The following NKAIN3 variants were observed in gnomAD, a reference collection of about 807,000 sequenced individuals.
NKAIN3 encodes the protein sodium/potassium-transporting ATPase subunit beta-1-interacting protein 3.
NKAIN3 carries 25 observed loss-of-function variants against 30.2 expected under a neutral mutation model. That is an observed-to-expected ratio of 0.83 (90% CI 0.60 to 1.16). The LOEUF (loss-of-function observed/expected upper bound fraction) is 1.16. NKAIN3 is among the 50% of genes most tolerant of loss of function. The pLI is 0.00. For missense variants in NKAIN3, 225 were observed against 254.1 expected, an observed-to-expected ratio of 0.89 and a Z score of 0.78; for synonymous variants, 91 against 89.6, an observed-to-expected ratio of 1.02 and a Z score of -0.09.
intron 3 of NKAIN3, among the ~76,000 whole-genome samples, chr8:62,638,115 T>C (rs571626058): frequency 4.9e-4 from 75 of 152,284 alleles, no homozygotes; most frequent in African/African-American, 1.7e-3. Context: ...GTTCCTAGTA[T>C]GTTTGACTCC....
At chr8:62,693,763 C>G (rs565590278) in intron 3 of NKAIN3, among the ~76,000 whole-genome samples, 102 of 152,242 alleles carry the variant, frequency 6.7e-4, no homozygotes, top group African/African-American at 2.4e-3. Context: ...TTGGAGCACT[C>G]TAACTAATCT....
chr8:62,681,544 C>T (rs1813644203), intron 3 of NKAIN3, among the ~76,000 whole-genome samples: 1 of 151,952 alleles, frequency 6.6e-6, no homozygotes, highest in Non-Finnish European at 1.5e-5. Context: ...AAAACCAGAC[C>T]GTGTGGCCAT....
chr8:62,925,657 G>A (rs1215535615), intron 5 of NKAIN3, among the ~76,000 whole-genome samples: 2 of 152,116 alleles, frequency 1.3e-5, no homozygotes. Context: ...TGTGACCATT[G>A]CTGAATCACA....
intron 1 of NKAIN3, among the ~76,000 whole-genome samples, chr8:62,449,373 G>T (rs1805575219): frequency 6.6e-6 from 1 of 151,922 alleles, no homozygotes; most frequent in Admixed American, 6.6e-5. Flanking sequence ...ATCTATATTA[G>T]ACTGGAAACA....
At chr8:62,328,750 A>C (rs563395443) in intron 1 of NKAIN3, among the ~76,000 whole-genome samples, 7 of 152,020 alleles carry the variant, frequency 4.6e-5, no homozygotes, top group Non-Finnish European at 8.8e-5. Flanking sequence ...TCATTTCTTT[A>C]TTTAGTAATT....
At chr8:62,494,397 T>C (rs941334191) in intron 1 of NKAIN3, among the ~76,000 whole-genome samples, 1 of 152,186 alleles carries the variant, frequency 6.6e-6, no homozygotes, top group African/African-American at 2.4e-5. Flanking sequence ...GATTATCTTT[T>C]TGATGTGCTG....
At chr8:62,722,384 G>A (rs1331824109) in intron 3 of NKAIN3, among the ~76,000 whole-genome samples, 1 of 152,104 alleles carries the variant, frequency 6.6e-6, no homozygotes, top group African/African-American at 2.4e-5. Context: ...CCATGATGCA[G>A]CCATGAATTT....
chr8:62,906,167 T>A (rs749401802), intron 4 of NKAIN3, among the ~76,000 whole-genome samples: 2 of 152,210 alleles, frequency 1.3e-5, no homozygotes, highest in Non-Finnish European at 2.9e-5. Flanking sequence ...CCCTCTGCAC[T>A]GTGAATAAAA....
intron 1 of NKAIN3, among the ~76,000 whole-genome samples, chr8:62,361,768 T>C (rs893580937): frequency 1.3e-5 from 2 of 152,228 alleles, no homozygotes; most frequent in Non-Finnish European, 2.9e-5. Flanking sequence ...AGTGAAGAGT[T>C]GTGTTTAAAA....
At chr8:62,448,244 AT>A (rs1194338649) in intron 1 of NKAIN3, among the ~76,000 whole-genome samples, 1 of 151,824 alleles carries the variant, frequency 6.6e-6, no homozygotes, top group Admixed American at 6.6e-5. Context: ...AGAGGAACAT[AT>A]CAGAATTCTC....
intron 1 of NKAIN3, among the ~76,000 whole-genome samples, chr8:62,372,052 G>T (rs1458845815): frequency 6.6e-6 from 1 of 151,430 alleles, no homozygotes; most frequent in African/African-American, 2.4e-5. Context: ...TCTTAGTCCT[G>T]GTTTAAACAA....
intron 3 of NKAIN3, among the ~76,000 whole-genome samples, chr8:62,733,387 T>C (rs1815543560): frequency 6.6e-6 from 1 of 152,190 alleles, no homozygotes; most frequent in Non-Finnish European, 1.5e-5. Flanking sequence ...TTGTCTGAAA[T>C]GCTTTTGTTT....
chr8:62,336,536 C>T (rs1307918123), intron 1 of NKAIN3, among the ~76,000 whole-genome samples: 1 of 151,958 alleles, frequency 6.6e-6, no homozygotes, highest in African/African-American at 2.4e-5. Context: ...TTTCCACTAA[C>T]AGTCTCTATG....
chr8:62,361,402 C>T (rs1037303195), intron 1 of NKAIN3, among the ~76,000 whole-genome samples: 2 of 152,154 alleles, frequency 1.3e-5, no homozygotes, highest in Non-Finnish European at 2.9e-5. Context: ...CCACTAATAG[C>T]GTAAGCTCTG....
chr8:62,782,382 A>C (rs921143711), intron 4 of NKAIN3, among the ~76,000 whole-genome samples: 1 of 152,032 alleles, frequency 6.6e-6, no homozygotes, highest in Non-Finnish European at 1.5e-5. Flanking sequence ...AAAAACTAAA[A>C]ATTTAATTAC....
chr8:62,967,752 G>T lies in NKAIN3; in HGVS notation c.*2345G>T, dbSNP rs1178855791. Among the ~76,000 whole-genome samples the T allele has an allele frequency of 2.6e-5, 4 of 152,116 alleles. No homozygotes were observed. Among genetic ancestry groups the T allele is most frequent in the African/African-American group, 9.7e-5 (4 of 41,428 alleles). On this transcript the variant is annotated 3_prime_UTR_variant, in exon 7 of 7. Coordinates refer to ENST00000623646, the MANE Select transcript of NKAIN3 (RefSeq NM_001304533.3). The stretch of plus-strand genomic sequence containing the variant: ...GAGTCAGTAAAAAAGGATAAAATGA[G>T]TATTGACATATTTTAAACTGTCACT...
rs144712121 is a variant in NKAIN3 at position 62,905,614 on chromosome 8, T to G, written c.472-12839T>G. ...ACCTGCTCTGATCGGATTTTTGCCC[T>G]TCTCTCCACCAAAATGACCATAATT... On this transcript the variant is annotated intron_variant, in intron 4 of 6. Coordinates refer to ENST00000623646, the MANE Select transcript of NKAIN3 (RefSeq NM_001304533.3). Among the ~76,000 whole-genome samples the G allele has an allele frequency of 1.4e-4, 22 of 152,298 alleles. No homozygotes were observed. In the Middle Eastern group the frequency reaches 0.01, roughly 71 times the overall value.
chr8:62,965,985 C>A lies in NKAIN3; in HGVS notation c.*578C>A, dbSNP rs1363842394. ...GTTCCTGACTTCTTAAAACCCAGAA[C>A]GATATTATGGCAATCTAAATTTTCA... On this transcript the variant is annotated 3_prime_UTR_variant, in exon 7 of 7. Coordinates refer to ENST00000623646, the MANE Select transcript of NKAIN3 (RefSeq NM_001304533.3). The A allele has an allele frequency of 5.1e-6, 5 of 984,600 alleles. No individual in the cohort carries two copies. Among genetic ancestry groups the A allele is most frequent in the Non-Finnish European group, 6.0e-6 (5 of 829,298 alleles). The allele number at this position is 984,600 out of a possible 1,614,324, so 61.0% of individuals were successfully genotyped here. A position where few individuals can be genotyped will look rare whatever the true frequency, so the allele number is the denominator to read the frequency against.
intron 4 of NKAIN3, among the ~76,000 whole-genome samples, chr8:62,771,786 ATAG>A (rs1411343317): frequency 1.3e-5 from 2 of 152,192 alleles, no homozygotes; most frequent in Non-Finnish European, 2.9e-5. Flanking sequence ...TTATGGGAAC[ATAG>A]TAGATATACA....
Sources: allele counts gnomAD v4.1 joint callset (sites outside exome capture counted in the v4.1 genomes callset), GRCh38; gene constraint gnomAD v4.1.1; transcripts MANE v1.5; gene names NCBI Gene and HGNC (gene_info 2026-07-23, HGNC 2026-07-21).